Variants in PTPRD observed in about 807,000 individuals in gnomAD.
The protein encoded by PTPRD is receptor-type tyrosine-protein phosphatase delta.
A neutral mutation model predicts 214.5 loss-of-function variants in PTPRD; 34 were observed. The ratio of observed to expected loss-of-function variants is 0.16; its 90% CI spans 0.12 to 0.21. The LOEUF (loss-of-function observed/expected upper bound fraction) is 0.21, where lower values mean the gene tolerates loss of function less well. PTPRD is among the 10% of genes least tolerant of loss of function. The probability of loss-of-function intolerance (pLI) is 1.00; values close to 1 mark genes in which losing one functional copy is unlikely to be tolerated. For missense variants in PTPRD, 2,545 were observed against 2,398.7 expected (o/e 1.06, Z -1.27); for synonymous variants, 1,128 against 845.7 (o/e 1.33, Z -5.79).
At chr9:10,368,508 G>C (rs943151008) in intron 2 of PTPRD, among the ~76,000 whole-genome samples, 1 of 151,974 alleles carries the variant, frequency 6.6e-6, no homozygotes, top group Admixed American at 6.6e-5. Flanking sequence ...TGTTTAAATC[G>C]ATAAATTAGA....
chr9:8,428,496 G>A (rs556710351), intron 35 of PTPRD, among the ~76,000 whole-genome samples: 42 of 152,150 alleles, frequency 2.8e-4, no homozygotes, highest in African/African-American at 9.9e-4. Context: ...TGACTCATAT[G>A]TCAAAAATAC....
chr9:10,081,488 C>T (rs756296620), intron 3 of PTPRD, among the ~76,000 whole-genome samples: 1 of 151,892 alleles, frequency 6.6e-6, no homozygotes, highest in Non-Finnish European at 1.5e-5. Flanking sequence ...GGAATTAGTG[C>T]CCTAATAAAA....
intron 10 of PTPRD, among the ~76,000 whole-genome samples, chr9:9,159,513 T>C (rs183923201): frequency 6.6e-6 from 1 of 152,162 alleles, no homozygotes; most frequent in East Asian, 1.9e-4. Flanking sequence ...AGGTGAAAGA[T>C]CTGTATACTG....
At chr9:10,204,825 G>A (rs189144438) in intron 3 of PTPRD, among the ~76,000 whole-genome samples, 64 of 152,192 alleles carry the variant, frequency 4.2e-4, no homozygotes, top group African/African-American at 1.3e-3. Flanking sequence ...TGTCAAATCT[G>A]TAAACAATTT....
In PTPRD at chr9:10,380,375, G is replaced by T. The variant is rs77208345; in HGVS notation, c.-599-39358C>A. On this transcript the variant is annotated intron_variant, in intron 2 of 45. Transcript: ENST00000381196. ...AATACAAATCTTAAGAATAAAATAT[G>T]AGAGTAAGATGGTTTTGAACATGAT... Among the ~76,000 whole-genome samples the T allele has an allele frequency of 2.6e-5, 4 of 152,162 alleles. No individual in the cohort carries two copies. In the East Asian group the frequency reaches 7.8e-4, roughly 30 times the overall value.
At chr9:9,776,184 C>G (rs1366380150) in intron 5 of PTPRD, among the ~76,000 whole-genome samples, 1 of 152,100 alleles carries the variant, frequency 6.6e-6, no homozygotes, top group Non-Finnish European at 1.5e-5. Context: ...TGTATGTTCT[C>G]TTTCATTTTT....
Position 8,465,613 on chromosome 9 carries a change from C to T in PTPRD, c.3567G>A (p.Lys1189=). The T allele has an allele frequency of 1.9e-6, 3 of 1,612,452 alleles. No individual in the cohort carries two copies. Among genetic ancestry groups the T allele is most frequent in the Non-Finnish European group, 2.5e-6 (3 of 1,178,968 alleles). The stretch of plus-strand genomic sequence containing the variant: ...CATCAAAGTGAGCGGCAATATATGG[C>T]TTTAATTCAACTTCTCTCCCATAAC... ...SIRYGREVEL[K]PYIAAHFDVL... is the part of the protein sequence containing the mutation. The change falls in exon 32 of 46, where the codon AAG becomes AAA. Residue 1189 remains lysine (K), a synonymous_variant. Transcript: ENST00000381196.
intron 3 of PTPRD, among the ~76,000 whole-genome samples, chr9:10,056,308 G>C (rs1035577075): frequency 4.8e-5 from 7 of 145,892 alleles, no homozygotes; most frequent in African/African-American, 1.8e-4. Context: ...GTGACAGAGA[G>C]AGACTCCATC....
chr9:9,147,750 G>C (rs559184621), intron 10 of PTPRD, among the ~76,000 whole-genome samples: 5 of 152,116 alleles, frequency 3.3e-5, no homozygotes, highest in Admixed American at 2.0e-4. Context: ...AAATGTTTGA[G>C]ACCCTCCCCC....
intron 11 of PTPRD, among the ~76,000 whole-genome samples, chr9:8,918,853 G>C (rs1026182234): frequency 1.3e-5 from 2 of 151,950 alleles, no homozygotes; most frequent in Non-Finnish European, 2.9e-5. Flanking sequence ...CATTTGCACG[G>C]GCTAATTTCT....
chr9:8,893,119 T>A (rs995575673), intron 11 of PTPRD, among the ~76,000 whole-genome samples: 4 of 151,860 alleles, frequency 2.6e-5, no homozygotes, highest in Admixed American at 6.6e-5. Flanking sequence ...AGGAAAAAAA[T>A]ATATATGATA....
chr9:10,010,439 A>T lies in PTPRD; in HGVS notation c.-472+23279T>A, dbSNP rs533979000. Among the ~76,000 whole-genome samples the T allele has an allele frequency of 1.9e-4, 28 of 150,504 alleles. 1 individual carries two copies. The South Asian group carries it at 5.7e-3, about 31-fold the overall frequency. On this transcript the variant is annotated intron_variant, in intron 4 of 45. Transcript: ENST00000381196. ...TTAAAATTTAATTTAATTTAATTTA[A>T]TTTAACTTTTGGTGGAAAATGAGGG...
intron 12 of PTPRD, among the ~76,000 whole-genome samples, chr9:8,674,159 T>A (rs1408836743): frequency 6.6e-6 from 1 of 152,068 alleles, no homozygotes; most frequent in South Asian, 2.1e-4. Context: ...ATTTTGAATG[T>A]GCAATTCAAG....
chr9:8,595,161 C>A (rs973184642), intron 14 of PTPRD, among the ~76,000 whole-genome samples: 3 of 146,962 alleles, frequency 2.0e-5, no homozygotes, highest in Non-Finnish European at 4.4e-5. Flanking sequence ...CCACACCCAG[C>A]CCCTAAACCT....
At chr9:8,338,859 G>GAGAGAGAGAGAGAC in intron 43 of PTPRD, 63 bp downstream of exon 43, 1 of 1,506,388 alleles carries the variant, frequency 6.6e-7, no homozygotes, top group Non-Finnish European at 9.0e-7. Flanking sequence ...GAGAGAGAGA[G>GAGAGAGAGAGAGAC]AGAGAGGTAT....
At chr9:9,798,945 A>T (rs2099021219) in intron 5 of PTPRD, among the ~76,000 whole-genome samples, 1 of 152,174 alleles carries the variant, frequency 6.6e-6, no homozygotes. Flanking sequence ...TGTTTTTAAA[A>T]ATGCTTTGTT....
At chr9:8,749,642 A>G (rs2093314148) in intron 11 of PTPRD, among the ~76,000 whole-genome samples, 2 of 152,216 alleles carry the variant, frequency 1.3e-5, no homozygotes, top group African/African-American at 4.8e-5. Flanking sequence ...TTTTCAGACA[A>G]TGTCCTCATG....
At position 10,611,219 on chromosome 9, in the gene PTPRD, G is replaced by A. The variant is rs141400482; in HGVS notation, c.-600+1179C>T. Among the ~76,000 whole-genome samples, 161 of 152,190 alleles carry A rather than the reference G, an allele frequency of 1.1e-3. 1 individual carries two copies. Among genetic ancestry groups the A allele is most frequent in the African/African-American group, 3.5e-3 (146 of 41,540 alleles). ...TCTAATCACTATTAGACTCTAGTCAGTATAAGTACTACCATGTCAAAAAAC... is the reference window on the plus strand; with the variant it reads ...TCTAATCACTATTAGACTCTAGTCAATATAAGTACTACCATGTCAAAAAAC... On this transcript the variant is annotated intron_variant, in intron 2 of 45. Coordinates refer to ENST00000381196, the MANE Select transcript of PTPRD (RefSeq NM_002839.4).
chr9:9,831,302 C>T (rs186173646), intron 5 of PTPRD, among the ~76,000 whole-genome samples: 5 of 151,994 alleles, frequency 3.3e-5, no homozygotes, highest in African/African-American at 1.2e-4. Context: ...CATCTCCTAT[C>T]TCTTTTAGCC....
Sources: allele counts gnomAD v4.1 joint callset (sites outside exome capture counted in the v4.1 genomes callset), GRCh38; gene constraint gnomAD v4.1.1; transcripts MANE v1.5; gene names NCBI Gene and HGNC (gene_info 2026-07-23, HGNC 2026-07-21).